The following BRINP3 variants were observed in gnomAD, a reference collection of about 807,000 sequenced individuals.
BRINP3 encodes the protein BMP/retinoic acid-inducible neural-specific protein 3.
BRINP3 carries 19 observed loss-of-function variants against 71.0 expected under a neutral mutation model. The ratio of observed to expected loss-of-function variants is 0.27; its 90% CI spans 0.19 to 0.39. The LOEUF (loss-of-function observed/expected upper bound fraction) is 0.39, where lower values mean the gene tolerates loss of function less well. BRINP3 is among the 10% of genes least tolerant of loss of function. The pLI, the probability that BRINP3 is intolerant of heterozygous loss-of-function variation, is 1.00. For missense variants in BRINP3, 959 were observed against 940.8 expected (o/e 1.02, Z -0.25); for synonymous variants, 380 against 337.7 (o/e 1.13, Z -1.37).
At chr1:190,277,221 C>G (rs1662662310) in intron 3 of BRINP3, among the ~76,000 whole-genome samples, 3 of 149,562 alleles carry the variant, frequency 2.0e-5, no homozygotes, top group Admixed American at 1.3e-4. Context: ...GCCCACAGAG[C>G]TGCAGTGAGT....
intron 1 of BRINP3, among the ~76,000 whole-genome samples, chr1:190,463,355 C>A (rs1261641232): frequency 6.6e-6 from 1 of 150,994 alleles, no homozygotes; most frequent in Non-Finnish European, 1.5e-5. Flanking sequence ...TAGATAATGA[C>A]AAGGATATAA....
At chr1:190,368,577 C>T (rs1669657678) in intron 2 of BRINP3, among the ~76,000 whole-genome samples, 2 of 151,996 alleles carry the variant, frequency 1.3e-5, no homozygotes, top group Admixed American at 1.3e-4. Context: ...TTAACAGGGC[C>T]CATTTAAGAT....
chr1:190,307,272 T>TG (rs1190561243), intron 2 of BRINP3, among the ~76,000 whole-genome samples: 83 of 126,376 alleles, frequency 6.6e-4, no homozygotes, highest in African/African-American at 2.2e-3. Flanking sequence ...TTTTTTTTTT[T>TG]TTTTTTTTTT....
At chr1:190,141,032 G>A (rs1372199626) in intron 7 of BRINP3, among the ~76,000 whole-genome samples, 1 of 152,256 alleles carries the variant, frequency 6.6e-6, no homozygotes, top group South Asian at 2.1e-4. Context: ...AACAGGTGCA[G>A]AATTATACAC....
At chr1:190,365,858 T>G (rs1222325536) in intron 2 of BRINP3, among the ~76,000 whole-genome samples, 1 of 145,438 alleles carries the variant, frequency 6.9e-6, no homozygotes, top group African/African-American at 2.5e-5. Context: ...ATATAATGTA[T>G]ATATCCTGTC....
In BRINP3 at chr1:190,420,808, T is replaced by C. The variant is rs777526428; in HGVS notation, c.236+33847A>G. ...CATTTAAGGGAATGACAAAAACAGC[T>C]TAAATTTTATAGACTGCCATGCATA... On this transcript the variant is annotated intron_variant, in intron 2 of 7. Coordinates refer to ENST00000367462, the MANE Select transcript of BRINP3 (RefSeq NM_199051.3). Among the ~76,000 whole-genome samples the C allele has an allele frequency of 3.6e-4, 55 of 151,824 alleles. 1 individual carries two copies. The highest frequency in any genetic ancestry group is 1.2e-4 in the Non-Finnish European group (8 of 67,842).
chr1:190,333,720 A>G (rs1364293195), intron 2 of BRINP3, among the ~76,000 whole-genome samples: 1 of 151,972 alleles, frequency 6.6e-6, no homozygotes, highest in Admixed American at 6.6e-5. Flanking sequence ...AACAACATCC[A>G]TACTAATTGA....
rs759907788 is a variant in BRINP3, at chr1:190,298,430, AT to A, written c.237-16681del. ...GAGGAGGGAGCATATTATTGGTTTG[AT>A]TTTTTTTTTCTTTTCTACATGAAAG... On this transcript the variant is annotated intron_variant, in intron 2 of 7. Transcript: ENST00000367462. 4.7e-3 allele frequency among the ~76,000 whole-genome samples: 675 copies of A among 144,868 alleles called. 6 individuals are homozygous for A. Among genetic ancestry groups the A allele is most frequent in the African/African-American group, 0.014 (536 of 39,370 alleles).
intron 4 of BRINP3, among the ~76,000 whole-genome samples, chr1:190,242,281 AT>A (rs1659176609): frequency 6.6e-6 from 1 of 152,096 alleles, no homozygotes; most frequent in Non-Finnish European, 1.5e-5. Flanking sequence ...CAAATAAAAA[AT>A]ATATCAATGC....
At chr1:190,312,171 C>T (rs1349844341) in intron 2 of BRINP3, among the ~76,000 whole-genome samples, 1 of 148,342 alleles carries the variant, frequency 6.7e-6, no homozygotes, top group African/African-American at 2.5e-5. Context: ...TGCCAAAACT[C>T]AATAGCAAAT....
At chr1:190,321,678 G>A (rs1291646317) in intron 2 of BRINP3, among the ~76,000 whole-genome samples, 2 of 151,906 alleles carry the variant, frequency 1.3e-5, no homozygotes, top group Non-Finnish European at 2.9e-5. Flanking sequence ...ATTAATTGAC[G>A]TTTTATTATC....
chr1:190,225,767 A>G (rs1273909806), intron 6 of BRINP3, among the ~76,000 whole-genome samples: 1 of 151,966 alleles, frequency 6.6e-6, no homozygotes, highest in Non-Finnish European at 1.5e-5. Context: ...AGACACTAGA[A>G]AAGTAGAGAA....
intron 2 of BRINP3, among the ~76,000 whole-genome samples, chr1:190,399,326 G>T (rs2102347711): frequency 6.6e-6 from 1 of 151,626 alleles, no homozygotes; most frequent in South Asian, 2.1e-4. Flanking sequence ...CTTCTAATAG[G>T]TTTCCTTAGT....
intron 4 of BRINP3, among the ~76,000 whole-genome samples, chr1:190,248,733 T>C (rs1051442769): frequency 6.6e-6 from 1 of 151,642 alleles, no homozygotes; most frequent in Non-Finnish European, 1.5e-5. Context: ...TCTATGACTA[T>C]ATTTATATAC....
chr1:190,161,698 G>T (rs1650980888), intron 6 of BRINP3, among the ~76,000 whole-genome samples: 1 of 151,988 alleles, frequency 6.6e-6, no homozygotes, highest in Non-Finnish European at 1.5e-5. Context: ...GAACACAAAA[G>T]ATAGTTGAAA....
At chr1:190,312,610 T>G (rs1322853029) in intron 2 of BRINP3, among the ~76,000 whole-genome samples, 1 of 151,786 alleles carries the variant, frequency 6.6e-6, no homozygotes, top group Non-Finnish European at 1.5e-5. Flanking sequence ...GGCTTTCTTA[T>G]GATTTTTTTC....
intron 2 of BRINP3, among the ~76,000 whole-genome samples, chr1:190,357,382 T>G (rs1382056559): frequency 6.6e-6 from 1 of 152,048 alleles, no homozygotes; most frequent in Non-Finnish European, 1.5e-5. Flanking sequence ...GCTTCACTAC[T>G]AATTTCATTT....
intron 6 of BRINP3, among the ~76,000 whole-genome samples, chr1:190,203,161 A>T (rs578077935): frequency 2.0e-4 from 30 of 152,196 alleles, no homozygotes; most frequent in African/African-American, 6.5e-4. Flanking sequence ...ACTCTCTTTC[A>T]CAAAGAGTAA....
intron 6 of BRINP3, among the ~76,000 whole-genome samples, chr1:190,224,582 T>C (rs1657169744): frequency 6.6e-6 from 1 of 151,940 alleles, no homozygotes; most frequent in Non-Finnish European, 1.5e-5. Flanking sequence ...CAAAGATTTT[T>C]TTGTTTGTAA....
Sources: allele counts gnomAD v4.1 joint callset (sites outside exome capture counted in the v4.1 genomes callset), GRCh38; gene constraint gnomAD v4.1.1; transcripts MANE v1.5; gene names NCBI Gene and HGNC (gene_info 2026-07-23, HGNC 2026-07-21).